TNRC6A: variants seen among roughly 807,000 people sequenced by gnomAD.
TNRC6A encodes the protein trinucleotide repeat containing adaptor 6A.
Under a neutral mutation model 221.2 loss-of-function variants are expected in TNRC6A, and 44 were observed. That is an observed-to-expected ratio of 0.20 (90% CI 0.16 to 0.26). The LOEUF is 0.26. Ranked by LOEUF, TNRC6A falls within the 10% of genes least tolerant of loss-of-function variation. The pLI is 1.00. For synonymous variants in TNRC6A, 847 were observed against 838.5 expected, an observed-to-expected ratio of 1.01 and a Z score of -0.18; for missense variants, 2,199 against 2,404.4, an observed-to-expected ratio of 0.91 and a Z score of 1.79.
chr16:24,653,300 A>C (rs1298737243), intron 2 of TNRC6A, among the ~76,000 whole-genome samples: 1 of 152,232 alleles, frequency 6.6e-6, no homozygotes, highest in African/African-American at 2.4e-5. Flanking sequence ...ATAAAAGGAC[A>C]GCAAGCCCTG....
At chr16:24,783,964 G>T (rs1228450537) in intron 5 of TNRC6A, among the ~76,000 whole-genome samples, 2 of 152,070 alleles carry the variant, frequency 1.3e-5, no homozygotes, top group African/African-American at 4.8e-5. Context: ...AGTTTTAATA[G>T]CGTCTTTTCC....
At chr16:24,643,496 C>G (rs531860258) in intron 2 of TNRC6A, among the ~76,000 whole-genome samples, 44 of 152,202 alleles carry the variant, frequency 2.9e-4, no homozygotes, top group African/African-American at 9.9e-4. Context: ...CATTCTTAAT[C>G]CAGACACCTC....
At chr16:24,714,969 C>T (rs1299449063) in intron 2 of TNRC6A, among the ~76,000 whole-genome samples, 7 of 151,678 alleles carry the variant, frequency 4.6e-5, no homozygotes, top group East Asian at 1.9e-4. Context: ...CTCCACCTCC[C>T]GGGTTCACGC....
intron 2 of TNRC6A, among the ~76,000 whole-genome samples, chr16:24,743,383 G>T (rs2056933113): frequency 6.6e-6 from 1 of 152,074 alleles, no homozygotes; most frequent in Non-Finnish European, 1.5e-5. Context: ...GTGCAGTGTG[G>T]AATGATCTTA....
chr16:24,641,095 A>G (rs1269205260), intron 2 of TNRC6A: 2 of 152,374 alleles, frequency 1.3e-5, no homozygotes, highest in African/African-American at 4.8e-5. Context: ...CAGAGGAAAC[A>G]TCCACTCAAA....
intron 2 of TNRC6A, among the ~76,000 whole-genome samples, chr16:24,690,922 C>T (rs1026288484): frequency 6.6e-6 from 1 of 151,832 alleles, no homozygotes; most frequent in South Asian, 2.1e-4. Flanking sequence ...ATTCTCCTGC[C>T]TCAGCCTCCC....
At chr16:24,643,878 G>A (rs961412154) in intron 2 of TNRC6A, among the ~76,000 whole-genome samples, 1 of 152,090 alleles carries the variant, frequency 6.6e-6, no homozygotes, top group African/African-American at 2.4e-5. Context: ...TAATTGCTCA[G>A]CTTCACAGCT....
upstream of TNRC6A, among the ~76,000 whole-genome samples, chr16:24,725,364 G>T (rs2151109096): frequency 6.6e-6 from 1 of 152,052 alleles, no homozygotes; most frequent in African/African-American, 2.4e-5. Context: ...GTAGAGATGG[G>T]GTTTTGCCAT....
At chr16:24,687,149 G>A (rs1279192274) in intron 2 of TNRC6A, among the ~76,000 whole-genome samples, 18 of 152,182 alleles carry the variant, frequency 1.2e-4, no homozygotes. Context: ...ATAGGAGGGA[G>A]ATACTAGGTC....
chr16:24,823,468 T>C lies in TNRC6A; in HGVS notation c.5550T>C (p.Phe1850=). The C allele has an allele frequency of 6.2e-7, 1 of 1,614,026 alleles. No homozygotes were observed. The highest frequency in any genetic ancestry group is 1.3e-5 in the African/African-American group (1 of 75,054). Residue 1850 remains phenylalanine, a synonymous_variant, in exon 25 of 25, where the codon TTT becomes TTC. Coordinates refer to ENST00000395799, the MANE Select transcript of TNRC6A (RefSeq NM_014494.4). The surrounding 1 kb of genome is among the most constrained non-coding windows in gnomAD (Gnocchi z 4.3). The part of the protein sequence containing the change: ...VLGNTTILAE[F]ASEEEISRFF... Reference sequence around the variant, plus strand: ...GGAACACTACTATTCTTGCTGAGTTTGCCAGTGAAGAGGAGATCAGTCGTT... The same window carrying C: ...GGAACACTACTATTCTTGCTGAGTTCGCCAGTGAAGAGGAGATCAGTCGTT...
At chr16:24,791,923 A>G (rs2058111135) in intron 6 of TNRC6A, 106 bp downstream of exon 6, 1 of 1,244,186 alleles carries the variant, frequency 8.0e-7, no homozygotes, top group Non-Finnish European at 1.1e-6. Flanking sequence ...TCTTACTGTA[A>G]TCCAGAAGCA....
intron 9 of TNRC6A, 136 bp downstream of exon 9, chr16:24,796,075 T>A (rs533637988): frequency 1.1e-6 from 1 of 927,992 alleles, no homozygotes; most frequent in Non-Finnish European, 1.7e-6. Context: ...CACTAAGATA[T>A]GAGTTTCACC....
At chr16:24,774,530 C>A (rs2057680134) in intron 4 of TNRC6A, among the ~76,000 whole-genome samples, 3 of 152,088 alleles carry the variant, frequency 2.0e-5, no homozygotes, top group Admixed American at 2.0e-4. Flanking sequence ...TCTTCCTGCT[C>A]CTTTCTCACA....
rs1337502918 is a variant in TNRC6A at position 24,815,208 on chromosome 16, C to A, written c.4734C>A (p.Asn1578Lys). Reference protein sequence around the residue: ...ESPFVPYDFMNSSTSPASPPG... With the variant: ...ESPFVPYDFMKSSTSPASPPG... ...CATTTGTTCCCTATGACTTTATGAA[C>A]AGCAGTACTTCACCAGCCAGTCCTC... Residue 1578 changes from asparagine to lysine, a missense_variant, in exon 19 of 25, where the codon AAC becomes AAA. By Grantham distance (94) the Asn-to-Lys change is moderately conservative (BLOSUM62 0). Around this residue, in one of 8 missense-constraint regions of TNRC6A, gnomAD observed 449 missense variants for 579.7 expected, o/e 0.77. Coordinates refer to ENST00000395799, the MANE Select transcript of TNRC6A (RefSeq NM_014494.4). The A allele has an allele frequency of 4.3e-6, 7 of 1,614,200 alleles. No individual in the cohort carries two copies. In the South Asian group the frequency reaches 7.7e-5, roughly 18 times the overall value.
At chr16:24,632,945 G>A (rs893033819) in intron 1 of TNRC6A, among the ~76,000 whole-genome samples, 1 of 149,706 alleles carries the variant, frequency 6.7e-6, no homozygotes, top group Non-Finnish European at 1.5e-5. Flanking sequence ...GGAGGCGGAG[G>A]TTGCAGTGAG....
chr16:24,672,340 G>A (rs1435524159), intron 2 of TNRC6A, among the ~76,000 whole-genome samples: 1 of 152,108 alleles, frequency 6.6e-6, no homozygotes, highest in Non-Finnish European at 1.5e-5. Context: ...GTGTTAGCCA[G>A]GATGGTCTCA....
chr16:24,750,832 A>G lies in TNRC6A; in HGVS notation c.141+19A>G, dbSNP rs762465639. ...AAAGAAGGTAGTATGTGTGTAAACT[A>G]TTTATATTAAGCAGTTTAAACATAG... On this transcript the variant is annotated intron_variant, in intron 3 of 24. Transcript: ENST00000395799. 8 of 1,489,804 alleles carry G rather than the reference A, an allele frequency of 5.4e-6. No individual in the cohort carries two copies. Among genetic ancestry groups the G allele is most frequent in the East Asian group, 4.8e-5 (2 of 41,716 alleles). 92.3% of individuals were successfully genotyped at this position (1,489,804 alleles called of 1,614,324 possible).
At chr16:24,693,439 T>C (rs1469619472) in intron 2 of TNRC6A, among the ~76,000 whole-genome samples, 2 of 151,918 alleles carry the variant, frequency 1.3e-5, no homozygotes, top group African/African-American at 4.8e-5. Flanking sequence ...ATACAAAAAT[T>C]AGCCCAGCAT....
chr16:24,718,078 T>C lies in TNRC6A; in HGVS notation n.403-32648T>C, dbSNP rs150528503. On this transcript the variant is annotated intron_variant and non_coding_transcript_variant, in intron 2 of 2. Transcript: ENST00000566108. ...CAGGCATGTGCCCCCACGGCCTGCC[T>C]GTTCATTCTTCGTATTCAACAAATA... is the stretch of plus-strand genomic sequence containing the variant. Among the ~76,000 whole-genome samples the C allele has an allele frequency of 2.0e-5, 3 of 152,264 alleles. No homozygotes were observed. The East Asian group carries it at 5.8e-4, about 29-fold the overall frequency.
Sources: allele counts gnomAD v4.1 joint callset (sites outside exome capture counted in the v4.1 genomes callset), GRCh38; gene constraint gnomAD v4.1.1; regional missense constraint gnomAD v4.1.1; non-coding constraint Gnocchi (gnomAD v3.1); transcripts MANE v1.5; gene names NCBI Gene and HGNC (gene_info 2026-07-23, HGNC 2026-07-21).